PRKN: variants seen among roughly 807,000 people sequenced by gnomAD.
PRKN encodes parkin RBR E3 ubiquitin protein ligase.
PRKN carries 56 observed loss-of-function variants against 59.5 expected under a neutral mutation model. The ratio of observed to expected loss-of-function variants is 0.94; its 90% CI spans 0.76 to 1.18. The LOEUF (loss-of-function observed/expected upper bound fraction) is 1.18. PRKN is among the 50% of genes most tolerant of loss of function. The probability of loss-of-function intolerance (pLI) is 0.00; values close to 1 mark genes in which losing one functional copy is unlikely to be tolerated. For synonymous variants in PRKN, 250 were observed against 222.1 expected (o/e 1.13, Z -1.12); for missense variants, 657 against 596.4 (o/e 1.10, Z -1.06).
intron 7 of PRKN, among the ~76,000 whole-genome samples, chr6:161,638,572 C>G (rs541314087): frequency 2.0e-5 from 3 of 152,082 alleles, no homozygotes; most frequent in Non-Finnish European, 4.4e-5. Flanking sequence ...GACTAGAAAT[C>G]CCTAGTAATA....
intron 6 of PRKN, among the ~76,000 whole-genome samples, chr6:161,821,716 GTTCTTTTTTTTTTTTTTTTTT>G (rs1792034359): frequency 1.4e-5 from 1 of 72,572 alleles, no homozygotes; most frequent in African/African-American, 5.1e-5. Context: ...TTCCACTGGT[GTTCTTTTTTTTTTTTTTTTTT>G]TTTTTTTTTT....
chr6:161,414,528 G>T lies in PRKN; in HGVS notation c.1084-27651C>A, dbSNP rs935757489. On this transcript the variant is annotated intron_variant, in intron 9 of 11. Transcript: ENST00000366898. The surrounding 1 kb of genome is among the most constrained non-coding windows in gnomAD (Gnocchi z 5.3). ...CAGAGTGCTAAAATCTTATTTAGAGGAGTCGTGGTAGAATTATTTATTCAC... is the reference window on the plus strand; with the variant it reads ...CAGAGTGCTAAAATCTTATTTAGAGTAGTCGTGGTAGAATTATTTATTCAC... Among the ~76,000 whole-genome samples the T allele has an allele frequency of 6.6e-6, 1 of 152,220 alleles. No homozygotes were observed. Among genetic ancestry groups the T allele is most frequent in the African/African-American group, 2.4e-5 (1 of 41,446 alleles).
chr6:162,271,738 G>A (rs1780402442), intron 2 of PRKN, among the ~76,000 whole-genome samples: 1 of 151,980 alleles, frequency 6.6e-6, no homozygotes, highest in Non-Finnish European at 1.5e-5. Context: ...CCCCTCCATA[G>A]TTTTCAATGA....
At chr6:162,435,960 A>C (rs892581426) in intron 2 of PRKN, among the ~76,000 whole-genome samples, 1 of 152,032 alleles carries the variant, frequency 6.6e-6, no homozygotes, top group African/African-American at 2.4e-5. Context: ...CAGTGCTCTA[A>C]ATTGATACTA....
chr6:162,523,706 T>C (rs191747685), intron 1 of PRKN, among the ~76,000 whole-genome samples: 120 of 151,816 alleles, frequency 7.9e-4, no homozygotes, highest in African/African-American at 2.8e-3. Context: ...AACAGATTTG[T>C]TTATGGGGTC....
At chr6:162,194,745 C>A (rs1261291749) in intron 4 of PRKN, among the ~76,000 whole-genome samples, 1 of 151,254 alleles carries the variant, frequency 6.6e-6, no homozygotes, top group Non-Finnish European at 1.5e-5. Context: ...TTATTTTTAC[C>A]TTAACCTGGC....
intron 1 of PRKN, among the ~76,000 whole-genome samples, chr6:162,518,297 A>C (rs954024934): frequency 3.1e-4 from 47 of 152,300 alleles, no homozygotes; most frequent in African/African-American, 1.1e-3. Flanking sequence ...AGACATCCAC[A>C]CTTATGTACA....
intron 1 of PRKN, among the ~76,000 whole-genome samples, chr6:162,642,321 CA>C (rs1777995176): frequency 6.6e-6 from 1 of 151,884 alleles, no homozygotes; most frequent in Non-Finnish European, 1.5e-5. Context: ...AAATAAGAAC[CA>C]AAAATATTAA....
At chr6:162,528,247 G>T (rs568109239) in intron 1 of PRKN, among the ~76,000 whole-genome samples, 5 of 151,630 alleles carry the variant, frequency 3.3e-5, no homozygotes, top group African/African-American at 1.2e-4. Flanking sequence ...GCTTGAACCC[G>T]GGAGGTGGAG....
In PRKN at chr6:161,356,972, C is replaced by T. The variant is rs1016310781; in HGVS notation, c.1285+3116G>A. Among the ~76,000 whole-genome samples, 13 of 151,424 alleles carry T rather than the reference C, an allele frequency of 8.6e-5. No homozygotes were observed. The East Asian group carries it at 1.2e-3, about 14-fold the overall frequency. ...AAGTGTCTCAGGTGTCCCCACAAGCCGACAGTAAGTGCTGAACCAAACAAC... is the reference window on the plus strand; with the variant it reads ...AAGTGTCTCAGGTGTCCCCACAAGCTGACAGTAAGTGCTGAACCAAACAAC... On this transcript the variant is annotated intron_variant, in intron 11 of 11. Transcript: ENST00000366898. This position sits in a 1 kb window ranked among gnomAD's most constrained non-coding sequence, Gnocchi z 7.8.
intron 3 of PRKN, among the ~76,000 whole-genome samples, chr6:162,212,288 A>C (rs961139228): frequency 2.6e-5 from 4 of 152,074 alleles, no homozygotes; most frequent in African/African-American, 9.7e-5. Context: ...CGAGATTTGA[A>C]GCTTCTCAAG....
chr6:162,299,967 C>A (rs1218180225), intron 2 of PRKN, among the ~76,000 whole-genome samples: 1 of 152,132 alleles, frequency 6.6e-6, no homozygotes, highest in African/African-American at 2.4e-5. Flanking sequence ...TATTTTTCCA[C>A]ATACTTAGTG....
intron 6 of PRKN, among the ~76,000 whole-genome samples, chr6:161,866,627 A>G (rs1347339341): frequency 1.3e-5 from 2 of 152,144 alleles, no homozygotes; most frequent in Non-Finnish European, 2.9e-5. Context: ...GAGACACACA[A>G]ATGAGCACAG....
chr6:162,695,197 C>T (rs1777924197), intron 1 of PRKN: 1 of 152,166 alleles, frequency 6.6e-6, no homozygotes. Context: ...TTAGCCAGCA[C>T]TTGCCCATTT....
At chr6:162,682,048 T>C (rs542192521) in intron 1 of PRKN, among the ~76,000 whole-genome samples, 156 of 152,294 alleles carry the variant, frequency 1.0e-3, no homozygotes, top group African/African-American at 3.3e-3. Flanking sequence ...TACATATTCA[T>C]ATACATATAC....
chr6:162,618,385 A>G (rs1352840838), intron 1 of PRKN, among the ~76,000 whole-genome samples: 2 of 152,300 alleles, frequency 1.3e-5, no homozygotes, highest in South Asian at 4.1e-4. Flanking sequence ...CAGTTTCTAC[A>G]CTGCCTTTAT....
intron 2 of PRKN, among the ~76,000 whole-genome samples, chr6:162,343,416 A>G (rs1784272387): frequency 1.3e-5 from 2 of 152,204 alleles, no homozygotes; most frequent in South Asian, 4.1e-4. Context: ...GTTTGCTACT[A>G]CAGCAGTAGC....
chr6:162,555,635 C>CAA (rs36086989), intron 1 of PRKN, among the ~76,000 whole-genome samples: 22 of 150,276 alleles, frequency 1.5e-4, no homozygotes, highest in South Asian at 8.4e-4. Flanking sequence ...GAAAAAAATA[C>CAA]AAAAAAAAAA....
chr6:161,646,586 C>T (rs1386108337), intron 7 of PRKN, among the ~76,000 whole-genome samples: 3 of 149,228 alleles, frequency 2.0e-5, no homozygotes, highest in African/African-American at 4.9e-5. Context: ...ACTGCGTGTG[C>T]GTGCGTGGCG....
Sources: allele counts gnomAD v4.1 joint callset (sites outside exome capture counted in the v4.1 genomes callset), GRCh38; gene constraint gnomAD v4.1.1; non-coding constraint Gnocchi (gnomAD v3.1); transcripts MANE v1.5; gene names NCBI Gene and HGNC (gene_info 2026-07-23, HGNC 2026-07-21).